The following ADAMTSL1 variants were observed in gnomAD, a reference collection of about 807,000 sequenced individuals.
ADAMTSL1 encodes ADAMTS-like protein 1.
A neutral mutation model predicts 201.8 loss-of-function variants in ADAMTSL1; 126 were observed. The ratio of observed to expected loss-of-function variants is 0.62; its 90% CI spans 0.54 to 0.72. ADAMTSL1 has a LOEUF of 0.72. ADAMTSL1 is among the 30% of genes least tolerant of loss of function. The pLI is 0.00. For synonymous variants in ADAMTSL1, 1,121 were observed against 903.4 expected (o/e 1.24, Z -4.32); for missense variants, 2,679 against 2,277.8 (o/e 1.18, Z -3.59).
chr9:18,124,857 A>G (rs184144421), intron 1 of ADAMTSL1, among the ~76,000 whole-genome samples: 53 of 152,206 alleles, frequency 3.5e-4, no homozygotes, highest in Admixed American at 1.2e-3. Flanking sequence ...CTTTCCTTTG[A>G]GAATGTTAAG....
At chr9:18,364,363 TA>T (rs372974729) in intron 2 of ADAMTSL1, among the ~76,000 whole-genome samples, 2 of 152,116 alleles carry the variant, frequency 1.3e-5, no homozygotes, top group African/African-American at 4.8e-5. Flanking sequence ...TGAGGATCCC[TA>T]AAAAACTCAG....
chr9:18,718,535 A>T (rs1833110688), intron 14 of ADAMTSL1: 1 of 516,684 alleles, frequency 1.9e-6, no homozygotes, highest in Non-Finnish European at 3.9e-6. Context: ...CATGATGCAA[A>T]CTTGTCGAAA....
At chr9:18,484,779 G>C (rs1821902385) in intron 1 of ADAMTSL1, among the ~76,000 whole-genome samples, 1 of 152,132 alleles carries the variant, frequency 6.6e-6, no homozygotes, top group African/African-American at 2.4e-5. Flanking sequence ...CGATCAGTGG[G>C]TTTTGCCCAT....
intron 1 of ADAMTSL1, among the ~76,000 whole-genome samples, chr9:17,908,938 CA>C (rs1825828184): frequency 6.6e-6 from 1 of 151,838 alleles, no homozygotes; most frequent in South Asian, 2.1e-4. Flanking sequence ...GTCCCACCAA[CA>C]GTGTAAAAGT....
chr9:18,158,354 C>G (rs887416854), intron 1 of ADAMTSL1, among the ~76,000 whole-genome samples: 2 of 151,762 alleles, frequency 1.3e-5, no homozygotes, highest in Non-Finnish European at 2.9e-5. Flanking sequence ...TTTTTCTAAT[C>G]CTTTACAGTT....
intron 16 of ADAMTSL1, among the ~76,000 whole-genome samples, chr9:18,758,440 C>A (rs1275268394): frequency 2.0e-5 from 3 of 152,184 alleles, no homozygotes; most frequent in Non-Finnish European, 4.4e-5. Flanking sequence ...TTCTGGAGAT[C>A]AGAAGTCCCA....
chr9:18,092,640 T>C (rs1824079440), intron 1 of ADAMTSL1, among the ~76,000 whole-genome samples: 1 of 152,162 alleles, frequency 6.6e-6, no homozygotes, highest in South Asian at 2.1e-4. Flanking sequence ...CAAAAGCTCC[T>C]AGTAGAGAAT....
At chr9:18,515,430 T>C (rs1818308321) in intron 2 of ADAMTSL1, among the ~76,000 whole-genome samples, 1 of 152,084 alleles carries the variant, frequency 6.6e-6, no homozygotes, top group South Asian at 2.1e-4. Context: ...TGCCTCCCAG[T>C]TTCAAACCGT....
At chr9:18,569,365 G>T (rs1029702851) in intron 3 of ADAMTSL1, among the ~76,000 whole-genome samples, 3 of 152,154 alleles carry the variant, frequency 2.0e-5, no homozygotes, top group Non-Finnish European at 4.4e-5. Context: ...CTCGGGGAGA[G>T]AAATGATTAT....
At chr9:18,177,250 G>A (rs922127955) in intron 2 of ADAMTSL1, among the ~76,000 whole-genome samples, 1 of 152,168 alleles carries the variant, frequency 6.6e-6, no homozygotes, top group Admixed American at 6.5e-5. Flanking sequence ...AATGTGTATA[G>A]GAAGCTAAGT....
intron 2 of ADAMTSL1, among the ~76,000 whole-genome samples, chr9:18,274,585 C>T (rs1420709287): frequency 1.3e-5 from 2 of 151,992 alleles, no homozygotes; most frequent in Non-Finnish European, 2.9e-5. Flanking sequence ...TCATTATGCT[C>T]ATTTAGAGAG....
intron 1 of ADAMTSL1, among the ~76,000 whole-genome samples, chr9:18,028,562 G>A (rs1336127976): frequency 6.6e-6 from 1 of 152,052 alleles, no homozygotes; most frequent in African/African-American, 2.4e-5. Context: ...TCAAAGATCA[G>A]ATAGTTGTAT....
chr9:18,784,501 G>T (rs1375948956), intron 19 of ADAMTSL1, among the ~76,000 whole-genome samples: 1 of 152,204 alleles, frequency 6.6e-6, no homozygotes, highest in Admixed American at 6.5e-5. Flanking sequence ...CTATGCCATT[G>T]TGGAAGAGTT....
chr9:18,097,311 TGATA>T (rs1292427457), intron 1 of ADAMTSL1, among the ~76,000 whole-genome samples: 1 of 152,256 alleles, frequency 6.6e-6, no homozygotes, highest in Non-Finnish European at 1.5e-5. Context: ...ATTCATCTTT[TGATA>T]GATATTTGTG....
intron 2 of ADAMTSL1, among the ~76,000 whole-genome samples, chr9:18,456,247 T>C (rs1036898620): frequency 1.3e-5 from 2 of 152,218 alleles, no homozygotes; most frequent in East Asian, 3.8e-4. Context: ...CCTCAGACTC[T>C]AGCGAAGGTC....
At chr9:18,473,107 C>A (rs1821282841), upstream of ADAMTSL1, among the ~76,000 whole-genome samples, 1 of 152,150 alleles carries the variant, frequency 6.6e-6, no homozygotes, top group African/African-American at 2.4e-5. Context: ...TCCCATCCAA[C>A]CCTCTTGCAA....
At chr9:18,253,850 TTAGG>T (rs1334012582) in intron 2 of ADAMTSL1, among the ~76,000 whole-genome samples, 1 of 148,634 alleles carries the variant, frequency 6.7e-6, no homozygotes, top group Non-Finnish European at 1.5e-5. Flanking sequence ...GCTGTAGTTC[TTAGG>T]TAGTGGGACG....
At chr9:18,487,960 A>G (rs1376089350) in intron 1 of ADAMTSL1, among the ~76,000 whole-genome samples, 9 of 152,150 alleles carry the variant, frequency 5.9e-5, no homozygotes. Flanking sequence ...TAGCAGCCAT[A>G]GTTTAGTGAG....
At chr9:18,108,910 G>A (rs1318620330) in intron 1 of ADAMTSL1, among the ~76,000 whole-genome samples, 1 of 152,192 alleles carries the variant, frequency 6.6e-6, no homozygotes, top group Non-Finnish European at 1.5e-5. Context: ...GCATTGTTGT[G>A]TACAAGGTAG....
Sources: allele counts gnomAD v4.1 joint callset (sites outside exome capture counted in the v4.1 genomes callset), GRCh38; gene constraint gnomAD v4.1.1; transcripts MANE v1.5; gene names NCBI Gene and HGNC (gene_info 2026-07-23, HGNC 2026-07-21).